The following WNT5A variants were observed in gnomAD, a reference collection of about 807,000 sequenced individuals.
WNT5A encodes Wnt family member 5A.
In WNT5A, 9 loss-of-function variants were observed where a neutral mutation model predicts 42.1. That is an observed-to-expected ratio of 0.21 (90% CI 0.13 to 0.37). The LOEUF (loss-of-function observed/expected upper bound fraction) is 0.37. Ranked by LOEUF, WNT5A falls within the 10% of genes least tolerant of loss-of-function variation. The pLI, the probability that WNT5A is intolerant of heterozygous loss-of-function variation, is 1.00. For missense variants in WNT5A, 426 were observed against 534.0 expected (o/e 0.80, Z 1.99); for synonymous variants, 210 against 210.0 (o/e 1.00, Z 0.00).
upstream of WNT5A, among the ~76,000 whole-genome samples, chr3:55,491,315 G>C (rs115796761): frequency 6.6e-6 from 1 of 152,102 alleles, no homozygotes; most frequent in African/African-American, 2.4e-5. Flanking sequence ...ATCTGTGAGG[G>C]TTCATGTTCG....
chr3:55,482,755 C>T lies in WNT5A; in HGVS notation c.7-1837G>A, dbSNP rs544368491. On this transcript the variant is annotated intron_variant, in intron 1 of 4. Coordinates refer to ENST00000264634, the MANE Select transcript of WNT5A (RefSeq NM_003392.7). ...TCCCCAGCTAGGAGAGAGAAGGCTCCGGCTATCTCCCCACCCCCGCCCTAA... is the reference window on the plus strand; with the variant it reads ...TCCCCAGCTAGGAGAGAGAAGGCTCTGGCTATCTCCCCACCCCCGCCCTAA... Among the ~76,000 whole-genome samples the T allele has an allele frequency of 2.1e-4, 32 of 152,256 alleles. 1 individual carries two copies. In the East Asian group the frequency reaches 5.6e-3, roughly 27 times the overall value.
the WNT5A span, among the ~76,000 whole-genome samples, chr3:55,502,963 T>C: frequency 6.6e-6 from 1 of 152,354 alleles, no homozygotes; most frequent in South Asian, 2.1e-4. Context: ...ATCACACAAG[T>C]TGGGCAGGTC....
chr3:55,474,346 G>T lies in WNT5A; in HGVS notation c.675C>A (p.Ala225=), dbSNP rs371351522. The part of the protein sequence containing the change: ...RILMNLHNNE[A]GRRTVYNLAD... Reference sequence around the variant, plus strand: ...GAGACGCGGCACTCACCCTGCGGCCGGCCTCGTTGTTGTGCAGGTTCATGA... The same window carrying T: ...GAGACGCGGCACTCACCCTGCGGCCTGCCTCGTTGTTGTGCAGGTTCATGA... The change falls in exon 4 of 5, where the codon GCC becomes GCA. Residue 225 remains alanine (A), a synonymous_variant. Transcript: ENST00000264634. 3 of 1,612,834 alleles carry T rather than the reference G, an allele frequency of 1.9e-6. No individual in the cohort carries two copies. Among genetic ancestry groups the T allele is most frequent in the Non-Finnish European group, 2.5e-6 (3 of 1,179,816 alleles).
At chr3:55,482,332 C>A (rs1343693125) in intron 1 of WNT5A, among the ~76,000 whole-genome samples, 2 of 152,036 alleles carry the variant, frequency 1.3e-5, no homozygotes, top group Non-Finnish European at 2.9e-5. Flanking sequence ...GAGTAGGTGG[C>A]GGGTGCGGGT....
upstream of WNT5A, among the ~76,000 whole-genome samples, chr3:55,488,951 G>A (rs1318270328): frequency 6.6e-6 from 1 of 152,328 alleles, no homozygotes; most frequent in Middle Eastern, 3.4e-3. Flanking sequence ...AGTCCCCAGA[G>A]TAGTAGGGAC....
At chr3:55,498,863 G>A in the WNT5A span, among the ~76,000 whole-genome samples, 2,338 of 152,268 alleles carry the variant, frequency 0.015, 72 homozygotes, top group African/African-American at 0.054. Flanking sequence ...TTCTGGGTAA[G>A]GGTTGGGGGG....
At chr3:55,491,507 G>T (rs187022340), upstream of WNT5A, among the ~76,000 whole-genome samples, 1 of 152,278 alleles carries the variant, frequency 6.6e-6, no homozygotes, top group East Asian at 1.9e-4. Flanking sequence ...TCTCCCAACC[G>T]GATTATTCAC....
At chr3:55,474,815 G>A (rs1216196716) in intron 3 of WNT5A, among the ~76,000 whole-genome samples, 186 bp from the exon 4 acceptor site, 6 of 89,168 alleles carry the variant, frequency 6.7e-5, no homozygotes, top group Non-Finnish European at 1.4e-4. Flanking sequence ...TAGGAGGTGG[G>A]GGAGGTTGGA....
At position 55,480,817 on chromosome 3, in the gene WNT5A, G is replaced by T; in HGVS notation, c.108C>A (p.Phe36Leu). 1.3e-6 allele frequency: 2 copies of T among 1,575,096 alleles called. No homozygotes were observed. The highest frequency in any genetic ancestry group is 1.7e-6 in the Non-Finnish European group (2 of 1,159,212). ...AATTGGCTTCAATTACAACCTGGGC[G>T]AAGGAGAAAAATATGGCCAAAGCCA... Reference protein sequence around the residue: ...FLVALAIFFSFAQVVIEANSW... With the variant: ...FLVALAIFFSLAQVVIEANSW... The change falls in exon 2 of 5, where the codon TTC (phenylalanine) becomes TTA (leucine). Residue 36 changes from phenylalanine (F) to leucine (L), a missense_variant. By Grantham distance (22) the Phe-to-Leu change is conservative (BLOSUM62 0). Transcript: ENST00000264634.
At chr3:55,499,980 CAA>C in the WNT5A span, among the ~76,000 whole-genome samples, 100,800 of 140,920 alleles carry the variant, frequency 0.72, 36,125 homozygotes, top group African/African-American at 0.8. Context: ...ATCCCCCCTC[CAA>C]AAAAAAAAAA....
chr3:55,499,923 C>G, the WNT5A span, among the ~76,000 whole-genome samples: 1 of 151,068 alleles, frequency 6.6e-6, no homozygotes, highest in Non-Finnish European at 1.5e-5. Context: ...TGCAGTGAGC[C>G]GAGATAGAGC....
chr3:55,477,023 T>C (rs2051369777), intron 3 of WNT5A, among the ~76,000 whole-genome samples: 2 of 152,030 alleles, frequency 1.3e-5, no homozygotes, highest in African/African-American at 4.8e-5. Context: ...AAAAATGAGT[T>C]GAGGAGGGGG....
intron 4 of WNT5A, among the ~76,000 whole-genome samples, chr3:55,470,821 G>A (rs2051237388): frequency 6.6e-6 from 1 of 152,136 alleles, no homozygotes; most frequent in South Asian, 2.1e-4. Context: ...TGTTCCAGCT[G>A]TATTTTTTTC....
At chr3:55,473,103 A>G (rs1264812685) in intron 4 of WNT5A, among the ~76,000 whole-genome samples, 2 of 152,196 alleles carry the variant, frequency 1.3e-5, no homozygotes, top group East Asian at 1.9e-4. Flanking sequence ...CTAGCTCTTC[A>G]TCTCTTAGCT....
At chr3:55,479,650 AAGCACAC>A in intron 2 of WNT5A, 86 bp from the exon 3 acceptor site, 1 of 1,461,862 alleles carries the variant, frequency 6.8e-7, no homozygotes. Context: ...ACATAGTTTT[AAGCACAC>A]AGATGCTTTT....
upstream of WNT5A, among the ~76,000 whole-genome samples, chr3:55,494,311 G>A (rs866146169): frequency 3.3e-5 from 5 of 152,104 alleles, no homozygotes; most frequent in African/African-American, 4.8e-5. Context: ...ATACTCCTGG[G>A]TATGTATTAA....
Position 55,470,502 on chromosome 3 carries a change from C to T in WNT5A, c.733G>A (p.Gly245Ser). Residue 245 changes from glycine (G) to serine (S), a missense_variant, in exon 5 of 5, where the codon GGC (glycine) becomes AGC (serine). Physicochemically the swap from Gly to Ser is moderately conservative, Grantham distance 56 (BLOSUM62 0). Coordinates refer to ENST00000264634, the MANE Select transcript of WNT5A (RefSeq NM_003392.7). ...DVACKCHGVS[G>S]SCSLKTCWLQ... ...CAGCATGTCTTCAGGCTACATGAGC[C>T]GGACACCCCATGGCACTTGCAGGCC... 4 of 1,598,300 alleles carry T rather than the reference C, an allele frequency of 2.5e-6. No homozygotes were observed. Among genetic ancestry groups the T allele is most frequent in the Non-Finnish European group, 3.4e-6 (4 of 1,172,048 alleles).
At chr3:55,472,992 T>C (rs116337142) in intron 4 of WNT5A, among the ~76,000 whole-genome samples, 1 of 152,072 alleles carries the variant, frequency 6.6e-6, no homozygotes, top group South Asian at 2.1e-4. Context: ...GTAATTGCCA[T>C]GGCCATTTAA....
chr3:55,484,328 A>C (rs1288792915), intron 1 of WNT5A, among the ~76,000 whole-genome samples: 1 of 152,170 alleles, frequency 6.6e-6, no homozygotes, highest in East Asian at 1.9e-4. Flanking sequence ...GAGCGGCGCG[A>C]GGAGCTAAAG....
Sources: allele counts gnomAD v4.1 joint callset (sites outside exome capture counted in the v4.1 genomes callset), GRCh38; gene constraint gnomAD v4.1.1; transcripts MANE v1.5; gene names NCBI Gene and HGNC (gene_info 2026-07-23, HGNC 2026-07-21).